Variants in KCNAB1 observed in about 807,000 individuals in gnomAD.
The protein encoded by KCNAB1 is potassium voltage-gated channel subfamily A regulatory beta subunit 1.
A neutral mutation model predicts 64.6 loss-of-function variants in KCNAB1; 35 were observed. That is an observed-to-expected ratio of 0.54 (90% CI 0.41 to 0.72). KCNAB1 has a LOEUF of 0.72. Among genes scored for constraint, KCNAB1 ranks in the 30% least tolerant of loss-of-function variants. KCNAB1 has a pLI of 0.00. For missense variants in KCNAB1, 401 were observed against 512.9 expected (o/e 0.78, Z 2.11); for synonymous variants, 177 against 183.8 (o/e 0.96, Z 0.30).
At chr3:156,251,736 G>A (rs1167574178) in intron 1 of KCNAB1, among the ~76,000 whole-genome samples, 1 of 152,138 alleles carries the variant, frequency 6.6e-6, no homozygotes, top group East Asian at 1.9e-4. Flanking sequence ...AAAATACAAA[G>A]GTACAGCCAA....
intron 1 of KCNAB1, among the ~76,000 whole-genome samples, chr3:156,213,416 G>A (rs1368240886): frequency 6.6e-6 from 1 of 152,112 alleles, no homozygotes; most frequent in Non-Finnish European, 1.5e-5. Flanking sequence ...GTCTCACTAT[G>A]TTGACCAGGC....
intron 7 of KCNAB1, among the ~76,000 whole-genome samples, chr3:156,472,126 CCT>C (rs1713952856): frequency 6.6e-6 from 1 of 151,982 alleles, no homozygotes; most frequent in African/African-American, 2.4e-5. Context: ...TGGCTTTCCC[CCT>C]GACTGCCCCA....
chr3:156,530,602 C>A (rs1158089552), intron 12 of KCNAB1, among the ~76,000 whole-genome samples: 2 of 152,158 alleles, frequency 1.3e-5, no homozygotes, highest in Non-Finnish European at 2.9e-5. Context: ...GCACGCTCAG[C>A]TACCCTGAAG....
chr3:156,388,401 C>T (rs935288686), intron 1 of KCNAB1, among the ~76,000 whole-genome samples: 30 of 152,278 alleles, frequency 2.0e-4, no homozygotes, highest in African/African-American at 6.7e-4. Flanking sequence ...CAAAGAGTCT[C>T]GCAGAGCAAA....
At chr3:156,173,364 A>C (rs1228460755) in intron 1 of KCNAB1, among the ~76,000 whole-genome samples, 1 of 152,218 alleles carries the variant, frequency 6.6e-6, no homozygotes, top group Non-Finnish European at 1.5e-5. Context: ...GGGTCTAAAA[A>C]AACACACAAA....
At chr3:156,244,924 A>G (rs1207638725) in intron 1 of KCNAB1, among the ~76,000 whole-genome samples, 2 of 152,192 alleles carry the variant, frequency 1.3e-5, no homozygotes, top group Admixed American at 1.3e-4. Flanking sequence ...TATCCTTTGC[A>G]TTATCGCCTC....
At chr3:156,531,306 G>A (rs533604956) in intron 12 of KCNAB1, 103 bp from the exon 13 acceptor site, 6 of 849,164 alleles carry the variant, frequency 7.1e-6, no homozygotes, top group South Asian at 1.3e-5. Flanking sequence ...ACAAAAAGAA[G>A]TTAATAAATT....
chr3:156,508,991 G>C lies in KCNAB1; in HGVS notation c.659-5373G>C, dbSNP rs1717004552. Among the ~76,000 whole-genome samples, 1 of 152,082 alleles carries C rather than the reference G, an allele frequency of 6.6e-6. No homozygotes were observed. The highest frequency in any genetic ancestry group is 6.6e-5 in the Admixed American group (1 of 15,264). ...CTAATGAAACTAATACAAAGGCCCTGGCTCACTGAAGGAGGCTAGGACCTG... is the reference window on the plus strand; with the variant it reads ...CTAATGAAACTAATACAAAGGCCCTCGCTCACTGAAGGAGGCTAGGACCTG... On this transcript the variant is annotated intron_variant, in intron 8 of 13. Coordinates refer to ENST00000490337, the MANE Select transcript of KCNAB1 (RefSeq NM_172160.3). This position sits in a 1 kb window ranked among gnomAD's most constrained non-coding sequence, Gnocchi z 4.1.
chr3:156,157,872 A>T (rs916988717), intron 1 of KCNAB1, among the ~76,000 whole-genome samples: 2 of 152,098 alleles, frequency 1.3e-5, no homozygotes, highest in African/African-American at 4.8e-5. Flanking sequence ...TCTATTCCAA[A>T]TGCATGTGTA....
chr3:156,482,818 A>G lies in KCNAB1; in HGVS notation c.658+7998A>G, dbSNP rs573453583. On this transcript the variant is annotated intron_variant, in intron 8 of 13. Transcript: ENST00000490337. ...TAACTACTCGAAATTTAGAGCTACC[A>G]TTTTTGTTATTATTACTGTTTGTAT... Among the ~76,000 whole-genome samples, 15 of 152,180 alleles carry G rather than the reference A, an allele frequency of 9.9e-5. No homozygotes were observed. The South Asian group carries it at 2.7e-3, about 27-fold the overall frequency.
intron 1 of KCNAB1, among the ~76,000 whole-genome samples, chr3:156,384,927 A>G (rs115025965): frequency 6.6e-6 from 1 of 152,066 alleles, no homozygotes; most frequent in Non-Finnish European, 1.5e-5. Flanking sequence ...AATGAATATC[A>G]TTTTTTCTAC....
chr3:156,118,285 C>T (rs1713169755), upstream of KCNAB1: 1 of 453,928 alleles, frequency 2.2e-6, no homozygotes, highest in Non-Finnish European at 4.4e-6. Context: ...GGAAACTCAG[C>T]TGGGGCTACT....
intron 1 of KCNAB1, among the ~76,000 whole-genome samples, chr3:156,267,960 A>G (rs1309189484): frequency 6.6e-6 from 1 of 152,008 alleles, no homozygotes; most frequent in African/African-American, 2.4e-5. Context: ...TGCTTTTGCT[A>G]TAAAATACTA....
chr3:156,149,129 C>T (rs1277381732), intron 1 of KCNAB1, among the ~76,000 whole-genome samples: 2 of 152,078 alleles, frequency 1.3e-5, no homozygotes, highest in Non-Finnish European at 2.9e-5. Flanking sequence ...TTAGCTTGCC[C>T]CAGTGTCCGA....
At chr3:156,463,108 A>G (rs1163033162) in intron 5 of KCNAB1, among the ~76,000 whole-genome samples, 1 of 152,172 alleles carries the variant, frequency 6.6e-6, no homozygotes. Context: ...CTAAATATTT[A>G]CTATTATAAT....
chr3:156,297,887 T>C (rs1720905764), intron 1 of KCNAB1, among the ~76,000 whole-genome samples: 1 of 152,058 alleles, frequency 6.6e-6, no homozygotes, highest in Non-Finnish European at 1.5e-5. Flanking sequence ...GTGGCTGTGT[T>C]TCAAACAGAA....
chr3:156,415,762 G>A (rs112577654), intron 1 of KCNAB1, among the ~76,000 whole-genome samples: 10 of 152,086 alleles, frequency 6.6e-5, no homozygotes, highest in Admixed American at 4.6e-4. Context: ...AGGCCCCATC[G>A]TGGGCCCTGT....
At chr3:156,245,453 T>C (rs1014457260) in intron 1 of KCNAB1, among the ~76,000 whole-genome samples, 24 of 152,210 alleles carry the variant, frequency 1.6e-4, no homozygotes, top group African/African-American at 5.5e-4. Context: ...TATAATCCAC[T>C]GGTTTTATTC....
intron 1 of KCNAB1, among the ~76,000 whole-genome samples, chr3:156,353,657 T>C (rs1725004641): frequency 6.6e-6 from 1 of 152,192 alleles, no homozygotes; most frequent in South Asian, 2.1e-4. Flanking sequence ...CTCATGTGAC[T>C]GTTGCCAGGC....
Sources: gnomAD v4.1 joint callset for allele counts (sites outside exome capture counted in the v4.1 genomes callset) on GRCh38, gnomAD v4.1.1 for gene constraint, Gnocchi (gnomAD v3.1) non-coding constraint, MANE v1.5 for transcripts, NCBI Gene and HGNC (gene_info 2026-07-23, HGNC 2026-07-21) for gene names.